The following CSMD1 variants were observed in gnomAD, a reference collection of about 807,000 sequenced individuals.
CSMD1 encodes the protein CUB and sushi domain-containing protein 1.
CSMD1 carries 213 observed loss-of-function variants against 417.5 expected under a neutral mutation model. The observed-to-expected ratio is 0.51, with a 90% CI of 0.46 to 0.57. The LOEUF is 0.57. Ranked by LOEUF, CSMD1 falls within the 20% of genes least tolerant of loss-of-function variation. CSMD1 has a pLI of 0.00. For missense variants in CSMD1, 6,923 were observed against 4,529.7 expected, an observed-to-expected ratio of 1.53 and a Z score of -15.17; for synonymous variants, 2,862 against 1,736.8, an observed-to-expected ratio of 1.65 and a Z score of -16.11.
intron 5 of CSMD1, among the ~76,000 whole-genome samples, chr8:3,854,493 A>G (rs1804152769): frequency 2.0e-5 from 3 of 152,180 alleles, no homozygotes; most frequent in Admixed American, 2.0e-4. Context: ...AACTTTTGAG[A>G]TACAGATAAT....
chr8:3,791,800 G>A (rs776484736), intron 5 of CSMD1, among the ~76,000 whole-genome samples: 1 of 151,894 alleles, frequency 6.6e-6, no homozygotes. Flanking sequence ...TCCAGCCTGG[G>A]TGACAGAATA....
At chr8:4,087,603 C>T (rs555118139) in intron 3 of CSMD1, among the ~76,000 whole-genome samples, 7 of 152,086 alleles carry the variant, frequency 4.6e-5, no homozygotes, top group African/African-American at 1.7e-4. Context: ...CTTTCTGTCT[C>T]TCTCTCATTC....
intron 5 of CSMD1, among the ~76,000 whole-genome samples, chr8:3,854,160 A>T (rs1030751236): frequency 2.3e-5 from 1 of 43,456 alleles, no homozygotes; most frequent in Non-Finnish European, 3.6e-5. Flanking sequence ...TAATAATAAT[A>T]AAAAAAAAAA....
intron 23 of CSMD1, among the ~76,000 whole-genome samples, chr8:3,316,503 T>C (rs192766061): frequency 2.0e-5 from 3 of 148,988 alleles, no homozygotes; most frequent in South Asian, 2.1e-4. Context: ...AACTAGTATA[T>C]TGGTAGCTGG....
chr8:3,546,644 C>CAA (rs3086570), intron 10 of CSMD1, among the ~76,000 whole-genome samples: 499 of 150,856 alleles, frequency 3.3e-3, no homozygotes, highest in African/African-American at 0.011. Flanking sequence ...CATTATAAAA[C>CAA]AAAAAAAAAT....
At chr8:3,500,396 A>G (rs966896225) in intron 10 of CSMD1, among the ~76,000 whole-genome samples, 6 of 152,144 alleles carry the variant, frequency 3.9e-5, no homozygotes, top group African/African-American at 1.2e-4. Context: ...AAAAAACAGT[A>G]TGGAGCTTGG....
intron 1 of CSMD1, among the ~76,000 whole-genome samples, chr8:4,930,193 C>T (rs1173850843): frequency 6.6e-6 from 1 of 152,138 alleles, no homozygotes; most frequent in African/African-American, 2.4e-5. Flanking sequence ...CAGACGTTCT[C>T]CAATTCCAAT....
At chr8:4,771,955 T>C (rs1383410787) in intron 1 of CSMD1, among the ~76,000 whole-genome samples, 1 of 152,218 alleles carries the variant, frequency 6.6e-6, no homozygotes, top group Non-Finnish European at 1.5e-5. Flanking sequence ...TGATAATTCC[T>C]GCAACAATGA....
chr8:4,105,643 G>A (rs892762191), intron 3 of CSMD1, among the ~76,000 whole-genome samples: 1 of 152,180 alleles, frequency 6.6e-6, no homozygotes, highest in Non-Finnish European at 1.5e-5. Context: ...TGGAGTAGCA[G>A]GTGGAACGTG....
At chr8:3,051,610 A>T (rs1244326401) in intron 50 of CSMD1, among the ~76,000 whole-genome samples, 1 of 152,160 alleles carries the variant, frequency 6.6e-6, no homozygotes, top group Non-Finnish European at 1.5e-5. Flanking sequence ...GTTTTTTTTT[A>T]AAGGAGATCA....
intron 26 of CSMD1, among the ~76,000 whole-genome samples, chr8:3,273,747 C>T (rs112603030): frequency 0.27 from 41,626 of 151,706 alleles, 5,926 homozygotes; most frequent in African/African-American, 0.34. Context: ...TCTCTGATGG[C>T]AGTTCGTATT....
intron 2 of CSMD1, among the ~76,000 whole-genome samples, chr8:4,546,686 G>C (rs1797653102): frequency 6.6e-6 from 1 of 152,088 alleles, no homozygotes; most frequent in African/African-American, 2.4e-5. Flanking sequence ...CCTGTAGATA[G>C]CAGATCATGA....
chr8:3,919,049 G>A (rs2912296), intron 5 of CSMD1, among the ~76,000 whole-genome samples: 33,289 of 151,614 alleles, frequency 0.22, 4,697 homozygotes, highest in African/African-American at 0.39. Context: ...AAAATATGTG[G>A]TTGTAAAAAT....
intron 5 of CSMD1, among the ~76,000 whole-genome samples, chr8:3,860,904 G>C (rs865913544): frequency 3.9e-5 from 6 of 152,100 alleles, no homozygotes; most frequent in African/African-American, 1.4e-4. Flanking sequence ...TAGAAATCTA[G>C]TCTCTATACT....
chr8:3,813,377 A>G (rs1186106234), intron 5 of CSMD1, among the ~76,000 whole-genome samples: 1 of 152,178 alleles, frequency 6.6e-6, no homozygotes, highest in Non-Finnish European at 1.5e-5. Context: ...GTAAATAAAC[A>G]GTCTAGGAGA....
At position 3,024,296 on chromosome 8, in the gene CSMD1, T is replaced by TG. The variant is rs201472239; in HGVS notation, c.7855+5022dup. Among the ~76,000 whole-genome samples, 468 of 96,416 alleles carry TG rather than the reference T, an allele frequency of 4.9e-3. 3 individuals carry two copies. Among genetic ancestry groups the TG allele is most frequent in the African/African-American group, 0.013 (350 of 27,916 alleles). The allele number at this position is 96,416 out of a possible 152,430, so 63.3% of individuals were successfully genotyped here. A position where few individuals can be genotyped will look rare whatever the true frequency, so the allele number is the denominator to read the frequency against. ...AATGTTTACATTTTGAGGTTTTTTT[T>TG]GGGGGGGGAGGGCAGTGGGGGAGGT... On this transcript the variant is annotated intron_variant, in intron 51 of 69. Transcript: ENST00000635120.
intron 23 of CSMD1, among the ~76,000 whole-genome samples, chr8:3,313,892 T>A (rs943512813): frequency 6.6e-5 from 10 of 152,166 alleles, no homozygotes; most frequent in Non-Finnish European, 1.2e-4. Flanking sequence ...AATGATAGAC[T>A]GGATTAAGAA....
At chr8:4,056,747 C>G (rs1798714179) in intron 3 of CSMD1, among the ~76,000 whole-genome samples, 2 of 151,982 alleles carry the variant, frequency 1.3e-5, no homozygotes, top group Non-Finnish European at 2.9e-5. Flanking sequence ...CATGCGTTCT[C>G]ATTGTTCAAT....
At chr8:3,201,416 G>T (rs1796986331) in intron 32 of CSMD1, among the ~76,000 whole-genome samples, 196 bp downstream of exon 32, 1 of 152,062 alleles carries the variant, frequency 6.6e-6, no homozygotes. Flanking sequence ...GATGATAAAA[G>T]CACGTGATTT....
Sources: gnomAD v4.1 joint callset for allele counts (sites outside exome capture counted in the v4.1 genomes callset) on GRCh38, gnomAD v4.1.1 for gene constraint, MANE v1.5 for transcripts, NCBI Gene and HGNC (gene_info 2026-07-23, HGNC 2026-07-21) for gene names.